Variants in MCU observed in about 807,000 individuals in gnomAD.
The protein encoded by MCU is mitochondrial calcium uniporter.
Under a neutral mutation model 45.2 loss-of-function variants are expected in MCU, and 12 were observed. The observed-to-expected ratio is 0.27, with a 90% CI of 0.17 to 0.43. The LOEUF (loss-of-function observed/expected upper bound fraction) is 0.43. Among genes scored for constraint, MCU ranks in the 20% least tolerant of loss-of-function variants. The pLI, the probability that MCU is intolerant of heterozygous loss-of-function variation, is 1.00. For synonymous variants in MCU, 160 were observed against 165.1 expected, an observed-to-expected ratio of 0.97 and a Z score of 0.24; for missense variants, 324 against 436.7, an observed-to-expected ratio of 0.74 and a Z score of 2.30.
chr10:72,871,667 C>T lies in MCU; in HGVS notation c.861+87C>T, dbSNP rs1366317003. On this transcript the variant is annotated intron_variant, in intron 6 of 7. Coordinates refer to ENST00000373053, the MANE Select transcript of MCU (RefSeq NM_138357.3). Reference sequence around the variant, plus strand: ...GTTCTTTTTTCTCATCTTCTAAAGCCAGTTTTCTTTAAGTACTCATCCTTT... The same window carrying T: ...GTTCTTTTTTCTCATCTTCTAAAGCTAGTTTTCTTTAAGTACTCATCCTTT... The T allele has an allele frequency of 1.7e-5, 20 of 1,164,274 alleles. No individual in the cohort carries two copies. The South Asian group carries it at 2.5e-4, about 15-fold the overall frequency. The allele number at this position is 1,164,274 out of a possible 1,614,324, so 72.1% of individuals were successfully genotyped here.
Position 72,886,005 on chromosome 10 carries a change from G to A in MCU, c.*183G>A. On this transcript the variant is annotated 3_prime_UTR_variant, in exon 8 of 8. Coordinates refer to ENST00000373053, the MANE Select transcript of MCU (RefSeq NM_138357.3). ...TAAAACCTGAGGATCAGGCATTGTG[G>A]AATATAAGCTCAAAGGGCTTAGTGA... The A allele has an allele frequency of 1.8e-6, 1 of 566,362 alleles. No homozygotes were observed. Among genetic ancestry groups the A allele is most frequent in the Non-Finnish European group, 3.1e-6 (1 of 318,508 alleles). 35.1% of individuals were successfully genotyped at this position (566,362 alleles called of 1,614,324 possible). A position where few individuals can be genotyped will look rare whatever the true frequency, so the allele number is the denominator to read the frequency against.
intron 1 of MCU, among the ~76,000 whole-genome samples, chr10:72,826,111 A>G (rs1844795011): frequency 6.6e-6 from 1 of 151,880 alleles, no homozygotes; most frequent in Non-Finnish European, 1.5e-5. Context: ...TTAATGTTGC[A>G]TGTGAATTTC....
intron 1 of MCU, among the ~76,000 whole-genome samples, chr10:72,768,341 C>A (rs892265621): frequency 4.6e-5 from 7 of 152,128 alleles, no homozygotes; most frequent in African/African-American, 1.7e-4. Context: ...TGAAGAACTA[C>A]ACAAAGGCTT....
chr10:72,696,115 T>TTA (rs1842683043), intron 1 of MCU, among the ~76,000 whole-genome samples: 1 of 119,556 alleles, frequency 8.4e-6, no homozygotes, highest in Admixed American at 1.1e-4. Context: ...TGAGCCAAGA[T>TTA]CATGCCACTG....
At chr10:72,807,580 A>G (rs1291814658) in intron 1 of MCU, among the ~76,000 whole-genome samples, 1 of 152,216 alleles carries the variant, frequency 6.6e-6, no homozygotes, top group Admixed American at 6.5e-5. Context: ...GTTCGTTGGA[A>G]CAGTGAATCT....
intron 1 of MCU, among the ~76,000 whole-genome samples, chr10:72,704,391 A>G (rs571401179): frequency 6.6e-6 from 1 of 152,174 alleles, no homozygotes; most frequent in Non-Finnish European, 1.5e-5. Flanking sequence ...TTTATTTCTT[A>G]ACCTTTGCTG....
At chr10:72,746,360 T>C (rs547544926) in intron 1 of MCU, among the ~76,000 whole-genome samples, 1 of 152,342 alleles carries the variant, frequency 6.6e-6, no homozygotes, top group East Asian at 1.9e-4. Context: ...GAAGTTTTTT[T>C]GTGGTTGTAA....
In MCU at chr10:72,727,901, A is replaced by AT. The variant is rs761774046; in HGVS notation, c.150+35617dup. On this transcript the variant is annotated intron_variant, in intron 1 of 7. Transcript: ENST00000373053. The stretch of plus-strand genomic sequence containing the variant: ...AAGCCCAGTAGTTAATTTAAGCAGA[A>AT]TTTTTTTTTTTTTTTTTAAGGATAT... Among the ~76,000 whole-genome samples, 790 of 142,876 alleles carry AT rather than the reference A, an allele frequency of 5.5e-3. 1 individual carries two copies. Among genetic ancestry groups the AT allele is most frequent in the African/African-American group, 9.8e-3 (383 of 39,254 alleles). The allele number at this position is 142,876 out of a possible 152,430, so 93.7% of individuals were successfully genotyped here.
chr10:72,780,511 A>AGTGTGTGTGTGTGTGTGTGTGTGTGT (rs60306247), intron 1 of MCU, among the ~76,000 whole-genome samples: 1,623 of 110,560 alleles, frequency 0.015, 101 homozygotes, highest in East Asian at 0.059. Context: ...TCTTTGGCTA[A>AGTGTGTGTGTGTGTGTGTGTGTGTGT]GTGTGTGTGT....
At chr10:72,868,485 G>C (rs1845492057) in intron 4 of MCU, among the ~76,000 whole-genome samples, 2 of 151,842 alleles carry the variant, frequency 1.3e-5, no homozygotes, top group South Asian at 4.2e-4. Context: ...CCTGGAGGTA[G>C]GGGCTGCAGT....
At chr10:72,704,341 A>G (rs1025540544) in intron 1 of MCU, among the ~76,000 whole-genome samples, 1 of 152,192 alleles carries the variant, frequency 6.6e-6, no homozygotes, top group Non-Finnish European at 1.5e-5. Context: ...AGGCCATTCA[A>G]TTCACGGTCT....
chr10:72,778,639 G>C (rs963576071), intron 1 of MCU, among the ~76,000 whole-genome samples: 2 of 152,062 alleles, frequency 1.3e-5, no homozygotes, highest in Admixed American at 1.3e-4. Context: ...CACTGTCCTT[G>C]TTTTGTAATA....
intron 1 of MCU, among the ~76,000 whole-genome samples, chr10:72,788,214 A>T (rs148249250): frequency 1.3e-5 from 2 of 152,392 alleles, no homozygotes; most frequent in African/African-American, 4.8e-5. Context: ...GTAGCTGCTG[A>T]CTATGAGTAT....
At chr10:72,826,666 A>G (rs960683095) in intron 1 of MCU, among the ~76,000 whole-genome samples, 6 of 152,214 alleles carry the variant, frequency 3.9e-5, no homozygotes, top group Admixed American at 2.0e-4. Context: ...TAAGCCAACT[A>G]CATTTATTCA....
intron 1 of MCU, among the ~76,000 whole-genome samples, chr10:72,814,760 G>A (rs190432714): frequency 6.6e-6 from 1 of 152,280 alleles, no homozygotes; most frequent in East Asian, 1.9e-4. Flanking sequence ...TATCTTAAGG[G>A]TCTAACCAGT....
At chr10:72,803,389 G>C (rs2132785293) in intron 1 of MCU, among the ~76,000 whole-genome samples, 1 of 151,670 alleles carries the variant, frequency 6.6e-6, no homozygotes, top group South Asian at 2.1e-4. Context: ...TGCAGAAATA[G>C]AAACAATTGA....
At chr10:72,773,474 A>T (rs939659657) in intron 1 of MCU, among the ~76,000 whole-genome samples, 1 of 152,350 alleles carries the variant, frequency 6.6e-6, no homozygotes, top group African/African-American at 2.4e-5. Flanking sequence ...CAAAGACTGT[A>T]TATAAGATAT....
intron 1 of MCU, among the ~76,000 whole-genome samples, chr10:72,798,290 ATTTGTTTG>A (rs960339796): frequency 1.5e-4 from 23 of 152,024 alleles, no homozygotes; most frequent in Admixed American, 6.5e-4. Context: ...GGTGCCCACT[ATTTGTTTG>A]TTTGTTTGTT....
chr10:72,693,014 A>G (rs550080090), intron 1 of MCU: 27 of 1,536,142 alleles, frequency 1.8e-5, no homozygotes, highest in African/African-American at 4.1e-5. Context: ...AAGCGTGTTC[A>G]CGCGTGCCTG....
Sources: allele counts gnomAD v4.1 joint callset (sites outside exome capture counted in the v4.1 genomes callset), GRCh38; gene constraint gnomAD v4.1.1; transcripts MANE v1.5; gene names NCBI Gene and HGNC (gene_info 2026-07-23, HGNC 2026-07-21).